ARID2: variants seen among roughly 807,000 people sequenced by gnomAD.
The protein encoded by ARID2 is AT-rich interactive domain-containing protein 2.
In ARID2, 32 loss-of-function variants were observed where a neutral mutation model predicts 184.6. The ratio of observed to expected loss-of-function variants is 0.17; its 90% CI spans 0.13 to 0.23. The LOEUF (loss-of-function observed/expected upper bound fraction) is 0.23, where lower values mean the gene tolerates loss of function less well. ARID2 is among the 10% of genes least tolerant of loss of function. The pLI is 1.00. For synonymous variants in ARID2, 836 were observed against 772.6 expected, an observed-to-expected ratio of 1.08 and a Z score of -1.36; for missense variants, 1,696 against 2,197.6, an observed-to-expected ratio of 0.77 and a Z score of 4.56.
intron 3 of ARID2, among the ~76,000 whole-genome samples, chr12:45,735,589 C>T (rs372471212): frequency 5.8e-4 from 88 of 151,744 alleles, no homozygotes; most frequent in African/African-American, 1.3e-3. Flanking sequence ...CCAAAGTGCT[C>T]GGATACAAAA....
At chr12:45,849,504 GT>G in intron 13 of ARID2, 75 bp from the exon 14 acceptor site, 1 of 1,197,080 alleles carries the variant, frequency 8.4e-7, no homozygotes, top group Non-Finnish European at 1.2e-6. Flanking sequence ...ACATACTGCT[GT>G]TGTTCATGTA....
chr12:45,758,370 G>A (rs892873092), intron 3 of ARID2, among the ~76,000 whole-genome samples: 49 of 151,424 alleles, frequency 3.2e-4, no homozygotes, highest in African/African-American at 1.2e-3. Context: ...TTTTTTTTGT[G>A]CGATCGATTT....
intron 3 of ARID2, among the ~76,000 whole-genome samples, chr12:45,753,601 G>C (rs1218273739): frequency 6.6e-6 from 1 of 151,950 alleles, no homozygotes; most frequent in Non-Finnish European, 1.5e-5. Flanking sequence ...ACATAATCCA[G>C]GTTTCTTTTT....
intron 3 of ARID2, among the ~76,000 whole-genome samples, chr12:45,764,470 G>A (rs890762716): frequency 1.3e-5 from 2 of 152,182 alleles, no homozygotes; most frequent in East Asian, 3.9e-4. Flanking sequence ...AAATGAAGAT[G>A]TAGAACAGTT....
intron 3 of ARID2, among the ~76,000 whole-genome samples, chr12:45,802,960 T>A (rs1170122841): frequency 1.3e-5 from 2 of 152,148 alleles, no homozygotes; most frequent in Non-Finnish European, 2.9e-5. Flanking sequence ...TTCCCCTTCC[T>A]TTTTCCTTTT....
At chr12:45,798,611 A>G (rs961091059) in intron 3 of ARID2, among the ~76,000 whole-genome samples, 27 of 152,222 alleles carry the variant, frequency 1.8e-4, no homozygotes, top group African/African-American at 6.3e-4. Context: ...TCAGTTAAGC[A>G]AGTTCTTCTA....
chr12:45,875,503 A>T (rs1943996207), intron 16 of ARID2, among the ~76,000 whole-genome samples: 1 of 152,232 alleles, frequency 6.6e-6, no homozygotes, highest in African/African-American at 2.4e-5. Flanking sequence ...CTTTCTTAGA[A>T]TCTTAGAAGC....
intron 6 of ARID2, among the ~76,000 whole-genome samples, chr12:45,825,189 A>G (rs554379244): frequency 1.3e-5 from 2 of 152,278 alleles, no homozygotes; most frequent in African/African-American, 2.4e-5. Context: ...GGACAGTAGC[A>G]TGACTATAGT....
At position 45,780,786 on chromosome 12, in the gene ARID2, T is replaced by C. The variant is rs1021427199; in HGVS notation, c.285-30632T>C. Reference sequence around the variant, plus strand: ...GGTGCCTGCCACCACGCCTGGCTAATTTTTTGTATTTTTAGTAGTGATGGG... The same window carrying C: ...GGTGCCTGCCACCACGCCTGGCTAACTTTTTGTATTTTTAGTAGTGATGGG... On this transcript the variant is annotated intron_variant, in intron 3 of 20. Coordinates refer to ENST00000334344, the MANE Select transcript of ARID2 (RefSeq NM_152641.4). 3.9e-5 allele frequency among the ~76,000 whole-genome samples: 6 copies of C among 152,062 alleles called. No individual in the cohort carries two copies. In the East Asian group the frequency reaches 1.2e-3, roughly 29 times the overall value.
Position 45,864,930 on chromosome 12 carries a change from C to T in ARID2, c.4922+3981C>T, listed in dbSNP as rs576066574. On this transcript the variant is annotated intron_variant, in intron 16 of 20. Transcript: ENST00000334344. ...TAATGAGTTGCTCACTATCACCCTG[C>T]AAAAGTTACCATGAGGTTTGGTTTT... is the stretch of plus-strand genomic sequence containing the variant. Among the ~76,000 whole-genome samples the T allele has an allele frequency of 3.9e-5, 6 of 152,270 alleles. No homozygotes were observed. The South Asian group carries it at 6.2e-4, about 16-fold the overall frequency.
intron 16 of ARID2, among the ~76,000 whole-genome samples, chr12:45,862,600 C>G (rs539205233): frequency 2.0e-5 from 3 of 152,206 alleles, no homozygotes; most frequent in Admixed American, 2.0e-4. Flanking sequence ...CCCAGCTGCC[C>G]AGGAAGGCTG....
chr12:45,882,448 T>G (rs142033280), intron 16 of ARID2, among the ~76,000 whole-genome samples: 6 of 152,358 alleles, frequency 3.9e-5, no homozygotes, highest in African/African-American at 1.2e-4. Context: ...GATTAAAAAC[T>G]TACAGGTAGC....
chr12:45,846,810 GACTA>G (rs1943451507), intron 11 of ARID2, 42 bp from the exon 12 acceptor site: 3 of 1,585,012 alleles, frequency 1.9e-6, no homozygotes, highest in Non-Finnish European at 2.6e-6. Context: ...GGCAAATAGT[GACTA>G]ACTTTTAAGA....
At chr12:45,769,304 G>T (rs1039684770) in intron 3 of ARID2, among the ~76,000 whole-genome samples, 11 of 152,138 alleles carry the variant, frequency 7.2e-5, no homozygotes, top group African/African-American at 2.7e-4. Context: ...GCAATGTATG[G>T]TGACAATTTT....
intron 6 of ARID2, among the ~76,000 whole-genome samples, chr12:45,832,305 G>T (rs1314834587): frequency 6.6e-6 from 1 of 151,946 alleles, no homozygotes; most frequent in Non-Finnish European, 1.5e-5. Context: ...CTTTTAATAT[G>T]TTCTCTTTAT....
intron 8 of ARID2, 99 bp from the exon 9 acceptor site, chr12:45,837,222 T>A (rs987469045): frequency 2.1e-5 from 25 of 1,191,078 alleles, no homozygotes; most frequent in Non-Finnish European, 2.9e-5. Context: ...TTTTTAACGT[T>A]ATGCAACATT....
intron 4 of ARID2, among the ~76,000 whole-genome samples, chr12:45,814,111 A>T (rs1942762182): frequency 6.6e-6 from 1 of 152,102 alleles, no homozygotes; most frequent in Admixed American, 6.5e-5. Context: ...AGATATAAAA[A>T]TTTTTTATTA....
intron 3 of ARID2, among the ~76,000 whole-genome samples, chr12:45,732,990 C>G (rs1941031294): frequency 6.6e-6 from 1 of 152,008 alleles, no homozygotes; most frequent in African/African-American, 2.4e-5. Flanking sequence ...CTGTTTTTAA[C>G]TATATAGTTT....
At chr12:45,758,476 A>AAGCC (rs994101012) in intron 3 of ARID2, among the ~76,000 whole-genome samples, 10 of 151,928 alleles carry the variant, frequency 6.6e-5, no homozygotes, top group African/African-American at 2.4e-4. Context: ...TGACCTAGGG[A>AAGCC]AGCCAAAAGA....
Sources: gnomAD v4.1 joint callset for allele counts (sites outside exome capture counted in the v4.1 genomes callset) on GRCh38, gnomAD v4.1.1 for gene constraint, MANE v1.5 for transcripts, NCBI Gene and HGNC (gene_info 2026-07-23, HGNC 2026-07-21) for gene names.